The following RAB11FIP4 variants were observed in gnomAD, a reference collection of about 807,000 sequenced individuals.
The protein encoded by RAB11FIP4 is rab11 family-interacting protein 4.
A neutral mutation model predicts 74.3 loss-of-function variants in RAB11FIP4; 23 were observed. The ratio of observed to expected loss-of-function variants is 0.31; its 90% CI spans 0.22 to 0.44. RAB11FIP4 has a LOEUF of 0.44. Among genes scored for constraint, RAB11FIP4 ranks in the 20% least tolerant of loss-of-function variants. The probability of loss-of-function intolerance (pLI) is 1.00; values close to 1 mark genes in which losing one functional copy is unlikely to be tolerated. For synonymous variants in RAB11FIP4, 360 were observed against 359.9 expected (o/e 1.00, Z 0.00); for missense variants, 630 against 863.9 (o/e 0.73, Z 3.39).
At chr17:31,509,940 T>C (rs901133226) in intron 3 of RAB11FIP4, among the ~76,000 whole-genome samples, 3 of 152,146 alleles carry the variant, frequency 2.0e-5, no homozygotes, top group African/African-American at 7.2e-5. Flanking sequence ...AACTCTCTGT[T>C]GAACCAAAAC....
At chr17:31,408,586 C>G (rs574991162) in intron 1 of RAB11FIP4, among the ~76,000 whole-genome samples, 1 of 152,276 alleles carries the variant, frequency 6.6e-6, no homozygotes, top group South Asian at 2.1e-4. Context: ...TAGTAGTTTT[C>G]TGGTTGATGA....
rs1363217673 is a variant in RAB11FIP4, at chr17:31,445,529, ATTTTATATATATATATATATATATATAT to A, written c.336+11408_336+11435del. Among the ~76,000 whole-genome samples, 17 of 90,738 alleles carry A rather than the reference ATTTTATATATATATATATATATATATAT, an allele frequency of 1.9e-4. 1 individual carries two copies. The highest frequency in any genetic ancestry group is 4.4e-4 in the Admixed American group (3 of 6,890). The allele number at this position is 90,738 out of a possible 152,430, so 59.5% of individuals were successfully genotyped here. On this transcript the variant is annotated intron_variant, in intron 3 of 14. Coordinates refer to ENST00000621161, the MANE Select transcript of RAB11FIP4 (RefSeq NM_032932.6). ...TAAAATCTACATTCAAATTTTCCCA[ATTTTATATATATATATATATATATATAT>A]ATATATATATATATATATATATTTT...
At chr17:31,464,136 T>C (rs965248632) in intron 3 of RAB11FIP4, among the ~76,000 whole-genome samples, 3 of 152,044 alleles carry the variant, frequency 2.0e-5, no homozygotes, top group African/African-American at 7.2e-5. Flanking sequence ...TTGTTTCTCC[T>C]GTGCCAGACC....
chr17:31,467,089 CTGAG>C (rs2071692597), intron 3 of RAB11FIP4, among the ~76,000 whole-genome samples: 1 of 145,562 alleles, frequency 6.9e-6, no homozygotes, highest in South Asian at 2.2e-4. Context: ...CATCTAGCTC[CTGAG>C]TATTTCTTTC....
intron 3 of RAB11FIP4, among the ~76,000 whole-genome samples, chr17:31,485,316 A>G (rs2071890614): frequency 6.6e-6 from 1 of 152,140 alleles, no homozygotes; most frequent in South Asian, 2.1e-4. Flanking sequence ...ACTACCTTTG[A>G]GAAAAATAAA....
chr17:31,471,519 T>C (rs569577230), intron 3 of RAB11FIP4, among the ~76,000 whole-genome samples: 1 of 152,174 alleles, frequency 6.6e-6, no homozygotes, highest in Admixed American at 6.5e-5. Context: ...GTGAGAGAGA[T>C]ACTATTCCTA....
Position 31,476,164 on chromosome 17 carries a change from C to T in RAB11FIP4, c.337-41487C>T, listed in dbSNP as rs116281583. On this transcript the variant is annotated intron_variant, in intron 3 of 14. Coordinates refer to ENST00000621161, the MANE Select transcript of RAB11FIP4 (RefSeq NM_032932.6). ...CATAACTACTGCAAATAATGAGAAT[C>T]GACTGAACTTTTTTTTTTTTTTTTT... is the stretch of plus-strand genomic sequence containing the variant. Among the ~76,000 whole-genome samples, 520 of 136,856 alleles carry T rather than the reference C, an allele frequency of 3.8e-3. 6 individuals are homozygous for T. The highest frequency in any genetic ancestry group is 0.013 in the African/African-American group (487 of 36,416). 89.8% of individuals were successfully genotyped at this position (136,856 alleles called of 152,430 possible).
intron 1 of RAB11FIP4, among the ~76,000 whole-genome samples, chr17:31,407,798 C>T (rs781256218): frequency 6.6e-6 from 1 of 152,100 alleles, no homozygotes; most frequent in African/African-American, 2.4e-5. Context: ...TGGTGTCTAC[C>T]TCATCTATTC....
chr17:31,515,914 A>T (rs1389959470), intron 3 of RAB11FIP4, among the ~76,000 whole-genome samples: 1 of 152,042 alleles, frequency 6.6e-6, no homozygotes, highest in Non-Finnish European at 1.5e-5. Flanking sequence ...TTTATCACAC[A>T]CTGTCATTAT....
Position 31,528,534 on chromosome 17 carries a change from G to A in RAB11FIP4, c.1485G>A (p.Ala495=), listed in dbSNP as rs142837093. 1,186 of 1,613,704 alleles carry A rather than the reference G, an allele frequency of 7.3e-4. 2 individuals are homozygous for A. Among genetic ancestry groups the A allele is most frequent in the Admixed American group, 2.3e-3 (136 of 60,016 alleles). ...NRLEFQKERE[A]TQELIEDLRK... ...TTGAGTTCCAGAAGGAGCGGGAGGC[G>A]ACGCAGGAGGTAGGTCCCAGGCCAG... Residue 495 remains alanine, a synonymous_variant, in exon 12 of 15, where the codon GCG becomes GCA. Transcript: ENST00000621161.
chr17:31,532,023 A>G lies in RAB11FIP4; in HGVS notation c.*291A>G. On this transcript the variant is annotated 3_prime_UTR_variant, in exon 15 of 15. Transcript: ENST00000621161. ...GAGGCAAGGTCTGCTATCAGGAGTTACTGTAAAAACAAGAACTGGAAGCTC... is the reference window on the plus strand; with the variant it reads ...GAGGCAAGGTCTGCTATCAGGAGTTGCTGTAAAAACAAGAACTGGAAGCTC... 1 of 319,276 alleles carries G rather than the reference A, an allele frequency of 3.1e-6. No homozygotes were observed. 19.8% of individuals were successfully genotyped at this position (319,276 alleles called of 1,614,324 possible). A position where few individuals can be genotyped will look rare whatever the true frequency, so the allele number is the denominator to read the frequency against.
intron 1 of RAB11FIP4, among the ~76,000 whole-genome samples, chr17:31,401,261 G>A (rs1346415410): frequency 2.7e-4 from 39 of 143,516 alleles, no homozygotes; most frequent in Non-Finnish European, 5.0e-4. Context: ...GACACAGCGA[G>A]ACTCTGTCTA....
At chr17:31,491,733 G>A (rs969983312) in intron 3 of RAB11FIP4, among the ~76,000 whole-genome samples, 3 of 152,168 alleles carry the variant, frequency 2.0e-5, no homozygotes, top group Admixed American at 2.0e-4. Flanking sequence ...AGGAGGAGAG[G>A]GGACTGACAG....
intron 8 of RAB11FIP4, 70 bp downstream of exon 8, chr17:31,523,681 G>T: frequency 2.8e-6 from 4 of 1,441,396 alleles, no homozygotes; most frequent in Non-Finnish European, 3.9e-6. Context: ...GTGCACTCAG[G>T]CTACTGTCTG....
At chr17:31,442,003 CTT>C (rs749296163) in intron 3 of RAB11FIP4, among the ~76,000 whole-genome samples, 4 of 144,826 alleles carry the variant, frequency 2.8e-5, no homozygotes, top group Admixed American at 6.9e-5. Context: ...CGTATATACA[CTT>C]TTTTTTTTTT....
At chr17:31,429,358 C>T (rs2071284080) in intron 1 of RAB11FIP4, among the ~76,000 whole-genome samples, 1 of 152,220 alleles carries the variant, frequency 6.6e-6, no homozygotes, top group Non-Finnish European at 1.5e-5. Context: ...TCAAACCACA[C>T]AATATCCCAA....
At chr17:31,400,900 C>G (rs2070978926) in intron 1 of RAB11FIP4, among the ~76,000 whole-genome samples, 1 of 152,176 alleles carries the variant, frequency 6.6e-6, no homozygotes, top group Non-Finnish European at 1.5e-5. Context: ...TCTACCCTGG[C>G]CCTGGGGTCT....
At chr17:31,421,057 C>T (rs1025619290) in intron 1 of RAB11FIP4, among the ~76,000 whole-genome samples, 1 of 152,054 alleles carries the variant, frequency 6.6e-6, no homozygotes, top group African/African-American at 2.4e-5. Flanking sequence ...GCACTCCAGC[C>T]TAGGCAACAA....
At chr17:31,516,898 C>G (rs572112289) in intron 3 of RAB11FIP4, among the ~76,000 whole-genome samples, 88 of 152,130 alleles carry the variant, frequency 5.8e-4, no homozygotes, top group African/African-American at 2.1e-3. Flanking sequence ...TTGGTGTACA[C>G]CCTATGTAAA....
Sources: gnomAD v4.1 joint callset for allele counts (sites outside exome capture counted in the v4.1 genomes callset) on GRCh38, gnomAD v4.1.1 for gene constraint, MANE v1.5 for transcripts, NCBI Gene and HGNC (gene_info 2026-07-23, HGNC 2026-07-21) for gene names.